Variants in AGBL4 observed in about 807,000 individuals in gnomAD.
AGBL4 encodes AGBL carboxypeptidase 4.
A neutral mutation model predicts 66.4 loss-of-function variants in AGBL4; 58 were observed. The ratio of observed to expected loss-of-function variants is 0.87; its 90% confidence interval spans 0.71 to 1.09. The LOEUF (loss-of-function observed/expected upper bound fraction) is 1.09, where lower values mean the gene tolerates loss of function less well. Among genes scored for constraint, AGBL4 ranks in the 50% least tolerant of loss-of-function variants. The pLI is 0.00. For synonymous variants in AGBL4, 234 were observed against 222.9 expected (o/e 1.05, Z -0.44); for missense variants, 579 against 631.0 (o/e 0.92, Z 0.88).
intron 5 of AGBL4, among the ~76,000 whole-genome samples, chr1:48,948,364 C>A (rs1050362606): frequency 6.6e-6 from 1 of 152,208 alleles, no homozygotes; most frequent in Non-Finnish European, 1.5e-5. Context: ...TGAGTCCCAG[C>A]GACAGCCTGC....
chr1:49,638,657 G>C (rs748588063), intron 3 of AGBL4, among the ~76,000 whole-genome samples: 9 of 152,016 alleles, frequency 5.9e-5, no homozygotes, highest in Non-Finnish European at 1.2e-4. Context: ...GTTTCATAAA[G>C]GGCAGTTCCT....
At chr1:49,918,831 T>A (rs1651873861) in intron 1 of AGBL4, among the ~76,000 whole-genome samples, 2 of 152,212 alleles carry the variant, frequency 1.3e-5, no homozygotes, top group Non-Finnish European at 2.9e-5. Context: ...GCAAAAATCC[T>A]CAATAAAATA....
In AGBL4 at chr1:48,652,891, G is replaced by A. The variant is rs546547281; in HGVS notation, c.839+446C>T. On this transcript the variant is annotated intron_variant, in intron 8 of 13. Coordinates refer to ENST00000371839, the MANE Select transcript of AGBL4 (RefSeq NM_032785.4). ...TATTCTCATTGATATTCTCCAAGAG[G>A]AAACACAACAAAACAGTCATCATTA... 1.8e-4 allele frequency among the ~76,000 whole-genome samples: 27 copies of A among 152,242 alleles called. 1 individual carries two copies. The South Asian group carries it at 4.6e-3, about 26-fold the overall frequency.
chr1:48,879,903 A>G (rs1267589436), intron 5 of AGBL4, among the ~76,000 whole-genome samples: 1 of 151,430 alleles, frequency 6.6e-6, no homozygotes, highest in Non-Finnish European at 1.5e-5. Flanking sequence ...TACCAATGAT[A>G]TCAAAATAAA....
At chr1:49,672,921 C>CAAA (rs60612868) in intron 3 of AGBL4, among the ~76,000 whole-genome samples, 5 of 47,068 alleles carry the variant, frequency 1.1e-4, no homozygotes, top group Non-Finnish European at 2.5e-4. Context: ...AACTCCATCT[C>CAAA]AAAAAAAAAA....
intron 5 of AGBL4, among the ~76,000 whole-genome samples, chr1:48,977,582 C>G (rs1659438131): frequency 6.6e-6 from 1 of 152,074 alleles, no homozygotes; most frequent in Admixed American, 6.6e-5. Context: ...TACCCACAAC[C>G]TTGGGGTCTG....
intron 2 of AGBL4, among the ~76,000 whole-genome samples, chr1:49,765,566 A>G (rs540557712): frequency 2.0e-5 from 3 of 152,270 alleles, no homozygotes; most frequent in Non-Finnish European, 4.4e-5. Flanking sequence ...CACCACCAAA[A>G]GATGACACTA....
At chr1:48,931,106 A>T (rs2148902874) in intron 5 of AGBL4, among the ~76,000 whole-genome samples, 1 of 152,350 alleles carries the variant, frequency 6.6e-6, no homozygotes, top group African/African-American at 2.4e-5. Flanking sequence ...TTTTTACTCA[A>T]ATATTTCTCC....
intron 5 of AGBL4, among the ~76,000 whole-genome samples, chr1:48,915,434 T>A (rs576507678): frequency 1.1e-4 from 17 of 152,212 alleles, no homozygotes; most frequent in Non-Finnish European, 2.4e-4. Flanking sequence ...TCCCCACTCC[T>A]GTAGCACAGA....
chr1:49,920,957 G>A (rs1026847113), intron 1 of AGBL4, among the ~76,000 whole-genome samples: 2 of 152,150 alleles, frequency 1.3e-5, no homozygotes, highest in African/African-American at 2.4e-5. Flanking sequence ...GGATGAAGCC[G>A]GAAACTATCA....
At chr1:48,850,768 C>T (rs1647015804) in intron 6 of AGBL4, among the ~76,000 whole-genome samples, 1 of 152,168 alleles carries the variant, frequency 6.6e-6, no homozygotes, top group Admixed American at 6.5e-5. Flanking sequence ...CTGCCCGCCT[C>T]AGCCTCCCAC....
At chr1:49,540,706 T>A (rs1651943741) in intron 3 of AGBL4, among the ~76,000 whole-genome samples, 1 of 152,200 alleles carries the variant, frequency 6.6e-6, no homozygotes, top group South Asian at 2.1e-4. Context: ...GAAGTATTAT[T>A]TAATATAGAA....
chr1:49,782,020 T>C (rs1239911862), intron 2 of AGBL4, among the ~76,000 whole-genome samples: 1 of 151,906 alleles, frequency 6.6e-6, no homozygotes, highest in Non-Finnish European at 1.5e-5. Context: ...TAAATAAGAA[T>C]ATCTCAAAAT....
intron 3 of AGBL4, among the ~76,000 whole-genome samples, chr1:49,536,345 G>A (rs1208889815): frequency 1.3e-5 from 2 of 152,166 alleles, no homozygotes; most frequent in African/African-American, 4.8e-5. Flanking sequence ...CAACAGAGCA[G>A]AAATTTTTAT....
chr1:48,687,164 C>T (rs1646547067), intron 6 of AGBL4, among the ~76,000 whole-genome samples: 2 of 152,176 alleles, frequency 1.3e-5, no homozygotes, highest in Admixed American at 6.5e-5. Context: ...AAGAAGAGAA[C>T]CAGACCAATG....
chr1:49,262,610 C>A, intron 3 of AGBL4, among the ~76,000 whole-genome samples: 1 of 150,392 alleles, frequency 6.6e-6, no homozygotes, highest in Admixed American at 6.6e-5. Context: ...AATGAGATAC[C>A]ATCTCACACC....
intron 5 of AGBL4, among the ~76,000 whole-genome samples, chr1:48,894,623 TA>T (rs917422680): frequency 4.9e-4 from 72 of 147,352 alleles, no homozygotes; most frequent in Middle Eastern, 3.5e-3. Flanking sequence ...TAGTATATAG[TA>T]AAAAAAAAAG....
chr1:48,819,093 C>T lies in AGBL4; in HGVS notation c.634+48098G>A, dbSNP rs78937040. ...ACTCTGCTGCTGTGTGAAAGAGGCTCGTACAGACAGTTTTCTCCTAAATCA... is the reference window on the plus strand; with the variant it reads ...ACTCTGCTGCTGTGTGAAAGAGGCTTGTACAGACAGTTTTCTCCTAAATCA... On this transcript the variant is annotated intron_variant, in intron 6 of 13. Coordinates refer to ENST00000371839, the MANE Select transcript of AGBL4 (RefSeq NM_032785.4). Among the ~76,000 whole-genome samples, 348 of 152,212 alleles carry T rather than the reference C, an allele frequency of 2.3e-3. 1 individual carries two copies. Among genetic ancestry groups the T allele is most frequent in the African/African-American group, 8.2e-3 (339 of 41,534 alleles).
intron 4 of AGBL4, among the ~76,000 whole-genome samples, chr1:49,229,137 A>G (rs1267495590): frequency 6.6e-6 from 1 of 152,170 alleles, no homozygotes; most frequent in African/African-American, 2.4e-5. Flanking sequence ...CTCAAAGGCC[A>G]ATTTCTCAGA....
Sources: allele counts gnomAD v4.1 joint callset (sites outside exome capture counted in the v4.1 genomes callset), GRCh38; gene constraint gnomAD v4.1.1; transcripts MANE v1.5; gene names NCBI Gene and HGNC (gene_info 2026-07-23, HGNC 2026-07-21).